The following CDC5L variants were observed in gnomAD, a reference collection of about 807,000 sequenced individuals.
The protein encoded by CDC5L is cell division cycle 5-like protein.
Under a neutral mutation model 104.1 loss-of-function variants are expected in CDC5L, and 18 were observed. The ratio of observed to expected loss-of-function variants is 0.17; its 90% CI spans 0.12 to 0.26. The LOEUF (loss-of-function observed/expected upper bound fraction) is 0.26. Among genes scored for constraint, CDC5L ranks in the 10% least tolerant of loss-of-function variants. The pLI is 1.00. For synonymous variants in CDC5L, 331 were observed against 322.7 expected, an observed-to-expected ratio of 1.03 and a Z score of -0.28; for missense variants, 673 against 956.9, an observed-to-expected ratio of 0.70 and a Z score of 3.91.
Position 44,408,517 on chromosome 6 carries a change from A to G in CDC5L, c.977A>G (p.Glu326Gly), listed in dbSNP as rs1185280173. ...ASEIARQTAE[E>G]SGITNSASST... ...GAAATTGCACGTCAAACTGCCGAGG[A>G]ATCTGGCATAACAAATTCTGCTTCC... The change falls in exon 8 of 16, where the codon GAA (glutamate) becomes GGA (glycine). Residue 326 changes from glutamate to glycine, a missense_variant. Glu to Gly is a moderately conservative substitution (Grantham distance 98). Coordinates refer to ENST00000371477, the MANE Select transcript of CDC5L (RefSeq NM_001253.4). The G allele has an allele frequency of 1.9e-6, 3 of 1,613,780 alleles. No individual in the cohort carries two copies. In the African/African-American group the frequency reaches 4.0e-5, roughly 22 times the overall value.
intron 14 of CDC5L, among the ~76,000 whole-genome samples, chr6:44,435,291 T>C (rs918193125): frequency 2.6e-5 from 4 of 151,986 alleles, no homozygotes; most frequent in African/African-American, 4.8e-5. Flanking sequence ...ATATTTGTTT[T>C]CTTATAGTTT....
chr6:44,424,503 A>G lies in CDC5L; in HGVS notation c.1489A>G (p.Asn497Asp). Reference sequence around the variant, plus strand: ...TGATTTTGAAATTGTTCTACCAGAAAATGCCGAGAAGGAGCTGGAAGAACG... The same window carrying G: ...TGATTTTGAAATTGTTCTACCAGAAGATGCCGAGAAGGAGCTGGAAGAACG... ...KNDFEIVLPE[N>D]AEKELEEREI... The change falls in exon 11 of 16, where the codon AAT (asparagine) becomes GAT (aspartate). Residue 497 changes from asparagine to aspartate, a missense_variant. Coordinates refer to ENST00000371477, the MANE Select transcript of CDC5L (RefSeq NM_001253.4). The G allele has an allele frequency of 6.2e-7, 1 of 1,614,014 alleles. No individual in the cohort carries two copies. Among genetic ancestry groups the G allele is most frequent in the Non-Finnish European group, 8.5e-7 (1 of 1,179,934 alleles).
intron 11 of CDC5L, among the ~76,000 whole-genome samples, chr6:44,424,892 A>G (rs1472571191): frequency 1.3e-5 from 2 of 152,148 alleles, no homozygotes; most frequent in Non-Finnish European, 2.9e-5. Context: ...CAAAGAAAAG[A>G]TGTTATTGGT....
chr6:44,399,636 A>G (rs1791027700), intron 5 of CDC5L, among the ~76,000 whole-genome samples: 1 of 152,136 alleles, frequency 6.6e-6, no homozygotes, highest in Non-Finnish European at 1.5e-5. Context: ...AGTGAAGTTT[A>G]CATTTCAGCT....
intron 2 of CDC5L, among the ~76,000 whole-genome samples, chr6:44,392,365 A>G (rs1019302338): frequency 1.3e-5 from 2 of 152,238 alleles, no homozygotes; most frequent in South Asian, 2.1e-4. Context: ...AAATATTTCA[A>G]AATTTCTAGA....
intron 14 of CDC5L, chr6:44,435,847 T>G (rs1322455358): frequency 6.6e-6 from 1 of 151,750 alleles, no homozygotes; most frequent in Admixed American, 6.6e-5. Flanking sequence ...AATGGCACGA[T>G]CTTGGCTCGC....
At chr6:44,413,709 G>A (rs1184464790) in intron 8 of CDC5L, among the ~76,000 whole-genome samples, 3 of 151,806 alleles carry the variant, frequency 2.0e-5, no homozygotes, top group African/African-American at 7.3e-5. Flanking sequence ...TTGGCCTCCC[G>A]AGTAGCTGGT....
At chr6:44,437,269 G>A (rs1259293115) in intron 14 of CDC5L, among the ~76,000 whole-genome samples, 1 of 152,150 alleles carries the variant, frequency 6.6e-6, no homozygotes, top group Non-Finnish European at 1.5e-5. Flanking sequence ...GAAACTGTAG[G>A]TTAGGATTTT....
At position 44,449,231 on chromosome 6, in the gene CDC5L, TG is replaced by T. The variant is rs1793562593; in HGVS notation, c.*2521del. On this transcript the variant is annotated 3_prime_UTR_variant, in exon 16 of 16. Transcript: ENST00000371477. The stretch of plus-strand genomic sequence containing the variant: ...ATTTCAAAACTGGCACATTGTAAAC[TG>T]CATATGCATTTGCCAGGTAGTGGTG... 1 of 152,268 alleles carries T rather than the reference TG, an allele frequency of 6.6e-6. No individual in the cohort carries two copies. Among genetic ancestry groups the T allele is most frequent in the Non-Finnish European group, 1.5e-5 (1 of 68,046 alleles). The allele number at this position is 152,268 out of a possible 1,614,324, so 9.4% of individuals were successfully genotyped here.
At chr6:44,442,172 T>C (rs1793226648) in intron 14 of CDC5L, among the ~76,000 whole-genome samples, 4 of 152,118 alleles carry the variant, frequency 2.6e-5, no homozygotes, top group Admixed American at 2.6e-4. Flanking sequence ...CTTGATCTCA[T>C]GATAGACCCA....
chr6:44,414,823 T>A (rs1251608448), intron 8 of CDC5L, among the ~76,000 whole-genome samples: 1 of 152,246 alleles, frequency 6.6e-6, no homozygotes, highest in Non-Finnish European at 1.5e-5. Context: ...TTTTTGCTTA[T>A]GCATTTAATC....
chr6:44,434,959 C>A (rs897207255), intron 14 of CDC5L, among the ~76,000 whole-genome samples: 1 of 152,006 alleles, frequency 6.6e-6, no homozygotes, highest in Non-Finnish European at 1.5e-5. Flanking sequence ...CATTTCTAGG[C>A]GTCTTTCTAT....
intron 14 of CDC5L, among the ~76,000 whole-genome samples, chr6:44,438,716 T>C (rs1279919238): frequency 1.3e-5 from 2 of 151,644 alleles, no homozygotes; most frequent in Admixed American, 6.6e-5. Flanking sequence ...ACTACTGCCT[T>C]TCTAGAACTT....
intron 13 of CDC5L, among the ~76,000 whole-genome samples, chr6:44,428,263 G>A (rs1291567396): frequency 6.6e-6 from 1 of 151,836 alleles, no homozygotes; most frequent in Non-Finnish European, 1.5e-5. Context: ...TTCCCTTAAG[G>A]TATTAAGTGT....
intron 14 of CDC5L, 35 bp from the exon 15 acceptor site, chr6:44,445,620 C>G (rs770331138): frequency 6.7e-7 from 1 of 1,499,396 alleles, no homozygotes; most frequent in Non-Finnish European, 9.2e-7. Context: ...CTGCTTTTCT[C>G]ATGTATGCTG....
At position 44,429,903 on chromosome 6, in the gene CDC5L, G is replaced by T. The variant is rs1792599317; in HGVS notation, c.2084G>T (p.Arg695Met). The change falls in exon 14 of 16, where the codon AGG becomes ATG. Residue 695 changes from arginine (R) to methionine (M), a missense_variant. Arg to Met is a moderately conservative substitution (Grantham distance 91). Coordinates refer to ENST00000371477, the MANE Select transcript of CDC5L (RefSeq NM_001253.4). Reference sequence around the variant, plus strand: ...GACAGAATTGAATCACTTGAAAAGAGGCTCGAGGTTGGTATCCTTTTAAAA... The same window carrying T: ...GACAGAATTGAATCACTTGAAAAGATGCTCGAGGTTGGTATCCTTTTAAAA... ...KKDRIESLEKRLEINRGHMTT... is the reference protein window; with the variant it reads ...KKDRIESLEKMLEINRGHMTT... 6.2e-7 allele frequency: 1 copy of T among 1,613,076 alleles called. No homozygotes were observed. Among genetic ancestry groups the T allele is most frequent in the Non-Finnish European group, 8.5e-7 (1 of 1,179,302 alleles).
chr6:44,400,942 GTGTT>G (rs1027629089), intron 5 of CDC5L, among the ~76,000 whole-genome samples: 11 of 152,284 alleles, frequency 7.2e-5, no homozygotes, highest in African/African-American at 2.6e-4. Flanking sequence ...CCTGATATCA[GTGTT>G]TGAGATTTAT....
intron 14 of CDC5L, among the ~76,000 whole-genome samples, chr6:44,431,521 G>A (rs113270926): frequency 2.6e-5 from 4 of 152,184 alleles, no homozygotes; most frequent in African/African-American, 9.6e-5. Context: ...TAAATACTTA[G>A]GTTTCTTACT....
intron 9 of CDC5L, among the ~76,000 whole-genome samples, chr6:44,421,107 A>G (rs1355281897): frequency 6.6e-6 from 1 of 152,090 alleles, no homozygotes; most frequent in African/African-American, 2.4e-5. Context: ...ACATCCATAT[A>G]CCCACCACTT....
Sources: gnomAD v4.1 joint callset for allele counts (sites outside exome capture counted in the v4.1 genomes callset) on GRCh38, gnomAD v4.1.1 for gene constraint, MANE v1.5 for transcripts, NCBI Gene and HGNC (gene_info 2026-07-23, HGNC 2026-07-21) for gene names.